Variants in CSF1R observed in about 807,000 individuals in gnomAD.
CSF1R encodes colony stimulating factor 1 receptor.
A neutral mutation model predicts 110.0 loss-of-function variants in CSF1R; 40 were observed. The observed-to-expected ratio is 0.36, with a 90% CI of 0.28 to 0.47. The LOEUF (loss-of-function observed/expected upper bound fraction) is 0.47. Ranked by LOEUF, CSF1R falls within the 20% of genes least tolerant of loss-of-function variation. The pLI is 0.99. For synonymous variants in CSF1R, 523 were observed against 503.4 expected, an observed-to-expected ratio of 1.04 and a Z score of -0.52; for missense variants, 1,052 against 1,253.0, an observed-to-expected ratio of 0.84 and a Z score of 2.42.
chr5:150,098,481 C>T (rs577697102), intron 1 of CSF1R: 1 of 152,840 alleles, frequency 6.5e-6, no homozygotes, highest in South Asian at 2.1e-4. Context: ...TTCTCCACTC[C>T]CACTGTTTCA....
At position 150,080,195 on chromosome 5, in the gene CSF1R, C is replaced by T. The variant is rs1029057991; in HGVS notation, c.449G>A (p.Arg150His). ...GGGCGAGAAGGAGTAGTTGGTGTGG[C>T]GCATGAGGGGCCGGCCACGCACACG... ...LVRVRGRPLM[R>H]HTNYSFSPWH... The change falls in exon 3 of 21, where the codon CGC (arginine) becomes CAC (histidine). Residue 150 changes from arginine to histidine, a missense_variant. Around this residue, in one of 5 missense-constraint regions of CSF1R, gnomAD observed 693 missense variants for 735.4 expected, o/e 0.94. Transcript: ENST00000675795. 58 of 1,613,694 alleles carry T rather than the reference C, an allele frequency of 3.6e-5. No homozygotes were observed. Among genetic ancestry groups the T allele is most frequent in the Non-Finnish European group, 4.2e-5 (50 of 1,180,034 alleles).
At chr5:150,069,207 CAGATGCCAGGGTCTGGCACACAGT>C (rs1162726988) in intron 9 of CSF1R, among the ~76,000 whole-genome samples, 1 of 152,180 alleles carries the variant, frequency 6.6e-6, no homozygotes, top group Non-Finnish European at 1.5e-5. Context: ...CTGAGCCAGG[CAGATGCCAGGGTCTGGCACACAGT>C]GGGTGCCAGA....
chr5:150,103,421 G>A lies in CSF1R; in HGVS notation c.-181+9840C>T, dbSNP rs1759460972. ...GATGCAGACAGCACTTGTGGTCCCC[G>A]GAGGTACTACTTCTCCAGGGTGAGC... On this transcript the variant is annotated intron_variant, in intron 1 of 21. Transcript: ENST00000286301. 2.6e-5 allele frequency among the ~76,000 whole-genome samples: 4 copies of A among 152,284 alleles called. No homozygotes were observed. The South Asian group carries it at 8.3e-4, about 32-fold the overall frequency.
At position 150,054,423 on chromosome 5, in the gene CSF1R, T is replaced by C. The variant is rs1268479936; in HGVS notation, c.2662A>G (p.Ile888Val). ...TCCAAGGCCCAGCAGGCCTGCATGA[T>C]GCTGTATCTGGGAGATAGGACAGAG... ...PAFAPKNIYS[I>V]MQACWALEPT... is the part of the protein sequence containing the mutation. The change falls in exon 20 of 21, where the codon ATC becomes GTC. Residue 888 changes from isoleucine (I) to valine (V), a missense_variant. By Grantham distance (29) the Ile-to-Val change is conservative. Transcript: ENST00000675795. The C allele has an allele frequency of 6.2e-7, 1 of 1,612,082 alleles. No homozygotes were observed.
In CSF1R at chr5:150,073,471, G is replaced by C; in HGVS notation, c.912C>G (p.Ser304Arg). 6.2e-7 allele frequency: 1 copy of C among 1,613,786 alleles called. No homozygotes were observed. The highest frequency in any genetic ancestry group is 8.5e-7 in the Non-Finnish European group (1 of 1,179,774). The change falls in exon 6 of 21, where the codon AGC (serine) becomes AGG (arginine). Residue 304 changes from serine to arginine, a missense_variant. By Grantham distance (110) the Ser-to-Arg change is moderately radical (BLOSUM62 -1). Transcript: ENST00000675795. ...CCTCCTGGATGAGGTTCTGCTCAGA[G>C]CTCAAGTTCAAGTAGGCACTCTCTG... ...RVVESAYLNLSSEQNLIQEVT... is the reference protein window; with the variant it reads ...RVVESAYLNLRSEQNLIQEVT...
intron 1 of CSF1R, among the ~76,000 whole-genome samples, chr5:150,105,382 ATATTTT>A (rs1460141595): frequency 0.016 from 1,349 of 82,656 alleles, 16 homozygotes; most frequent in African/African-American, 0.057. Flanking sequence ...ATATATATAT[ATATTTT>A]TTTTTTTTTA....
chr5:150,055,136 G>A, intron 19 of CSF1R, 101 bp downstream of exon 19: 2 of 1,046,746 alleles, frequency 1.9e-6, no homozygotes, highest in South Asian at 2.7e-5. Flanking sequence ...TCTGACCCTG[G>A]AACATTTTGG....
chr5:150,087,822 C>T (rs963494980), upstream of CSF1R, among the ~76,000 whole-genome samples: 1 of 149,854 alleles, frequency 6.7e-6, no homozygotes, highest in Non-Finnish European at 1.5e-5. Context: ...CAACCTCCAC[C>T]TCCCGGACTC....
intron 6 of CSF1R, 76 bp downstream of exon 6, chr5:150,073,225 C>CCAAG: frequency 2.1e-6 from 3 of 1,461,020 alleles, no homozygotes; most frequent in Non-Finnish European, 1.9e-6. Context: ...GGGACATGAG[C>CCAAG]CAAGCGTCCT....
intron 10 of CSF1R, 132 bp downstream of exon 10, chr5:150,068,083 T>C: frequency 1.4e-6 from 1 of 698,070 alleles, no homozygotes; most frequent in Non-Finnish European, 2.5e-6. Context: ...TGGCATACAG[T>C]AGGCACCCAC....
chr5:150,072,940 T>C (rs1758088814), intron 6 of CSF1R, among the ~76,000 whole-genome samples: 1 of 152,178 alleles, frequency 6.6e-6, no homozygotes, highest in Non-Finnish European at 1.5e-5. Context: ...CAGGAGTGTG[T>C]CTATGAGTGG....
intron 13 of CSF1R, 36 bp from the exon 14 acceptor site, chr5:150,059,898 T>A: frequency 6.3e-7 from 1 of 1,584,560 alleles, no homozygotes; most frequent in African/African-American, 1.3e-5. Flanking sequence ...AGGGAGGTGC[T>A]GAGTGCTCCC....
At position 150,080,317 on chromosome 5, in the gene CSF1R, G is replaced by C; in HGVS notation, c.327C>G (p.Asn109Lys). 6.2e-7 allele frequency: 1 copy of C among 1,613,424 alleles called. No homozygotes were observed. Among genetic ancestry groups the C allele is most frequent in the Non-Finnish European group, 8.5e-7 (1 of 1,179,870 alleles). Residue 109 changes from asparagine to lysine, a missense_variant, in exon 3 of 21, where the codon AAC becomes AAG. Physicochemically the swap from Asn to Lys is moderately conservative, Grantham distance 94 (BLOSUM62 0). Around this residue, in one of 5 missense-constraint regions of CSF1R, gnomAD observed 693 missense variants for 735.4 expected, o/e 0.94. Transcript: ENST00000675795. ...ACACGACCACCTCCTGTGCTAGCAC[G>C]TTCCAGGGCCGGGCAGGGTCTAGAG... ...LYVKDPARPW[N>K]VLAQEVVVFE... is the part of the protein sequence containing the mutation.
At chr5:150,064,437 G>A (rs1757667709) in intron 10 of CSF1R, among the ~76,000 whole-genome samples, 1 of 152,184 alleles carries the variant, frequency 6.6e-6, no homozygotes, top group Admixed American at 6.5e-5. Context: ...GATTCGGAAG[G>A]GCGGACTGCA....
chr5:150,097,292 A>AGAAGG (rs1474893200), intron 1 of CSF1R, among the ~76,000 whole-genome samples: 1 of 107,538 alleles, frequency 9.3e-6, no homozygotes, highest in Non-Finnish European at 1.9e-5. Context: ...AAGGAGAAGG[A>AGAAGG]GAAGGGAAGG....
chr5:150,106,074 A>AGCCTACGCTAAG (rs1253436862), intron 1 of CSF1R, among the ~76,000 whole-genome samples: 2 of 152,216 alleles, frequency 1.3e-5, no homozygotes, highest in Non-Finnish European at 2.9e-5. Flanking sequence ...CACACTGCAC[A>AGCCTACGCTAAG]GGGCGATCCT....
At position 150,059,849 on chromosome 5, in the gene CSF1R, G is replaced by A. The variant is rs748529702; in HGVS notation, c.1983C>T (p.Val661=). The change falls in exon 14 of 21, where the codon GTC becomes GTT. Residue 661 remains valine (V), a synonymous_variant. Transcript: ENST00000675795. ...GACTHGGPVL[V]ITEYCCYGDL... ...CGCCATAGCAACAGTACTCCGTGAT[G>A]ACCAGTACAGGGCCTAGAGCAGCCA... 6.2e-7 allele frequency: 1 copy of A among 1,613,828 alleles called. No homozygotes were observed. The highest frequency in any genetic ancestry group is 1.1e-5 in the South Asian group (1 of 91,050).
intron 1 of CSF1R, among the ~76,000 whole-genome samples, chr5:150,108,298 A>C (rs1008378083): frequency 1.2e-4 from 19 of 152,168 alleles, no homozygotes; most frequent in Admixed American, 1.0e-3. Flanking sequence ...AGCTTGAGCA[A>C]GACTTTGACC....
intron 1 of CSF1R, among the ~76,000 whole-genome samples, chr5:150,085,382 C>T (rs1307592941): frequency 6.6e-6 from 1 of 151,702 alleles, no homozygotes; most frequent in East Asian, 1.9e-4. Flanking sequence ...AGAAGCGCCA[C>T]GGCCTTAGGG....
Sources: gnomAD v4.1 joint callset for allele counts (sites outside exome capture counted in the v4.1 genomes callset) on GRCh38, gnomAD v4.1.1 for gene constraint, gnomAD v4.1.1 regional missense constraint, MANE v1.5 for transcripts, NCBI Gene and HGNC (gene_info 2026-07-23, HGNC 2026-07-21) for gene names.